The following TASOR2 variants were observed in gnomAD, a reference collection of about 807,000 sequenced individuals.
TASOR2 encodes transcription activation suppressor family member 2.
A neutral mutation model predicts 199.5 loss-of-function variants in TASOR2; 84 were observed. The observed-to-expected ratio is 0.42, with a 90% CI of 0.35 to 0.50. TASOR2 has a LOEUF of 0.50. Ranked by LOEUF, TASOR2 falls within the 20% of genes least tolerant of loss-of-function variation. TASOR2 has a pLI of 0.02. For synonymous variants in TASOR2, 1,103 were observed against 1,046.6 expected, an observed-to-expected ratio of 1.05 and a Z score of -1.04; for missense variants, 2,796 against 2,835.9, an observed-to-expected ratio of 0.99 and a Z score of 0.32.
At position 5,685,233 on chromosome 10, in the gene TASOR2, C is replaced by G. The variant is rs1445714865; in HGVS notation, c.-288+58C>G. The G allele has an allele frequency of 5.0e-6, 2 of 397,300 alleles. No individual in the cohort carries two copies. Among genetic ancestry groups the G allele is most frequent in the African/African-American group, 4.1e-5 (2 of 48,556 alleles). 24.6% of individuals were successfully genotyped at this position (397,300 alleles called of 1,614,324 possible). ...CCCTGCGAGGAGGACGGCGGGTCCCCGAGGCCGAGCGCTCGGGCAGCTGCC... is the reference window on the plus strand; with the variant it reads ...CCCTGCGAGGAGGACGGCGGGTCCCGGAGGCCGAGCGCTCGGGCAGCTGCC... On this transcript the variant is annotated intron_variant, in intron 1 of 20. Coordinates refer to ENST00000328090, the Ensembl canonical transcript of TASOR2. The surrounding 1 kb of genome is among the most constrained non-coding windows in gnomAD (Gnocchi z 5.4).
At chr10:5,686,332 T>C (rs1835814393) in intron 1 of TASOR2, among the ~76,000 whole-genome samples, 1 of 152,210 alleles carries the variant, frequency 6.6e-6, no homozygotes, top group African/African-American at 2.4e-5. Flanking sequence ...ATCGGTGAAG[T>C]GCCTAAGAAC....
At chr10:5,760,434 G>A (rs1839638189) in intron 18 of TASOR2, among the ~76,000 whole-genome samples, 1 of 152,064 alleles carries the variant, frequency 6.6e-6, no homozygotes, top group Non-Finnish European at 1.5e-5. Context: ...CATATCCTTT[G>A]ACCTTTTGTG....
At chr10:5,761,601 C>T in intron 19 of TASOR2, 130 bp downstream of exon 20, 3 of 740,734 alleles carry the variant, frequency 4.1e-6, no homozygotes, top group Middle Eastern at 4.9e-4. Context: ...CAGAATCACC[C>T]AAATCTGCTG....
In TASOR2 at chr10:5,719,944, GTTTTTC is replaced by G. The variant is rs924064834; in HGVS notation, c.-99-595_-99-590del. Among the ~76,000 whole-genome samples, 69 of 152,238 alleles carry G rather than the reference GTTTTTC, an allele frequency of 4.5e-4. No individual in the cohort carries two copies. Among genetic ancestry groups the G allele is most frequent in the African/African-American group, 1.7e-3 (69 of 41,534 alleles). ...GTAACATAAAAGATGGTGGGCTATA[GTTTTTC>G]TTTTAAGGAAATGGCTCTCTTAAAT... On this transcript the variant is annotated intron_variant, in intron 3 of 20. Coordinates refer to ENST00000328090, the Ensembl canonical transcript of TASOR2. The surrounding 1 kb of genome is among the most constrained non-coding windows in gnomAD (Gnocchi z 4.1).
At chr10:5,724,438 C>A in exon 8 of TASOR2, 1 of 1,525,608 alleles carries the variant, frequency 6.6e-7, no homozygotes, top group South Asian at 1.3e-5. Context: ...AGTCTGTTTT[C>A]AAGATTTGTG....
chr10:5,717,392 A>G (rs894859155), intron 2 of TASOR2, among the ~76,000 whole-genome samples: 13 of 152,152 alleles, frequency 8.5e-5, no homozygotes, highest in African/African-American at 3.1e-4. Context: ...CTGGAACCCA[A>G]GCTTCTGACC....
At chr10:5,700,909 A>T (rs1837750568) in intron 1 of TASOR2, among the ~76,000 whole-genome samples, 2 of 149,890 alleles carry the variant, frequency 1.3e-5, no homozygotes, top group Admixed American at 6.6e-5. Flanking sequence ...GTAGTTTGCA[A>T]ATATTTTCTC....
intron 1 of TASOR2, among the ~76,000 whole-genome samples, chr10:5,695,964 C>T (rs1837094839): frequency 6.6e-6 from 1 of 152,134 alleles, no homozygotes; most frequent in Non-Finnish European, 1.5e-5. Context: ...TACCCTGGAA[C>T]CCCTTCTCCA....
intron 12 of TASOR2, among the ~76,000 whole-genome samples, chr10:5,736,279 G>A (rs930692665): frequency 1.3e-5 from 2 of 152,074 alleles, no homozygotes; most frequent in Non-Finnish European, 2.9e-5. Flanking sequence ...TTAGCCAGGC[G>A]TGGTGGCACA....
At chr10:5,725,339 C>G (rs1452166515) in intron 8 of TASOR2, among the ~76,000 whole-genome samples, 1 of 130,756 alleles carries the variant, frequency 7.6e-6, no homozygotes, top group East Asian at 2.3e-4. Flanking sequence ...TGCAGTGAGC[C>G]TAGATCGCGC....
intron 1 of TASOR2, among the ~76,000 whole-genome samples, chr10:5,688,692 A>G (rs1211746975): frequency 2.0e-5 from 3 of 152,138 alleles, no homozygotes; most frequent in Admixed American, 6.5e-5. Flanking sequence ...GCTCTTTCAC[A>G]TGACACATTT....
chr10:5,704,727 A>G (rs1300218188), intron 1 of TASOR2, among the ~76,000 whole-genome samples: 1 of 152,114 alleles, frequency 6.6e-6, no homozygotes, highest in South Asian at 2.1e-4. Flanking sequence ...TTTGTAGTGT[A>G]TACATTTGAA....
intron 1 of TASOR2, among the ~76,000 whole-genome samples, chr10:5,692,133 C>T (rs1220505397): frequency 8.3e-6 from 1 of 121,028 alleles, no homozygotes; most frequent in East Asian, 2.2e-4. Context: ...CCAGATTGTG[C>T]CACTGCACTC....
At chr10:5,743,191 C>G (rs1235638909) in intron 14 of TASOR2, among the ~76,000 whole-genome samples, 8 of 152,166 alleles carry the variant, frequency 5.3e-5, no homozygotes, top group Admixed American at 5.2e-4. Flanking sequence ...CAAATTTATT[C>G]TAGAATAATA....
intron 17 of TASOR2, 91 bp from the exon 19 acceptor site, chr10:5,758,793 TTTC>T (rs2131659196): frequency 2.2e-6 from 2 of 904,084 alleles, no homozygotes; most frequent in Non-Finnish European, 3.5e-6. Flanking sequence ...AGTCTGTTTT[TTTC>T]TTGTTTTACA....
At chr10:5,746,465 G>T (rs1360909577) in exon 15 of TASOR2, 1 of 1,613,884 alleles carries the variant, frequency 6.2e-7, no homozygotes, top group African/African-American at 1.3e-5. Context: ...ACAAAAACAG[G>T]TACTTTACAG....
In TASOR2 at chr10:5,746,362, T is replaced by C. The variant is rs543496265; in HGVS notation, c.2941T>C (p.Tyr981His). Residue 981 changes from tyrosine (Y) to histidine (H), a missense_variant, in exon 15 of 21, where the codon TAC (tyrosine) becomes CAC (histidine). Around this residue, in one of 3 missense-constraint regions of TASOR2, gnomAD observed 1,941 missense variants for 1,924.9 expected, o/e 1.01. Coordinates refer to ENST00000328090, the Ensembl canonical transcript of TASOR2. ...TACTCAAGCCACATTCACCAGGACT[T>C]ACGATGGGCCTGGCAGTCAGCCAGT... is the stretch of plus-strand genomic sequence containing the variant. The C allele has an allele frequency of 7.1e-5, 115 of 1,614,134 alleles. No homozygotes were observed. In the East Asian group the frequency reaches 2.6e-3, roughly 36 times the overall value.
intron 6 of TASOR2, among the ~76,000 whole-genome samples, chr10:5,723,043 C>CTTTTTTTTT (rs1183983010): frequency 2.7e-5 from 2 of 72,896 alleles, no homozygotes; most frequent in African/African-American, 5.5e-5. Flanking sequence ...CAGGAAATAA[C>CTTTTTTTTT]TTTTTTTTTT....
intron 12 of TASOR2, 116 bp from the exon 14 acceptor site, chr10:5,739,502 A>G: frequency 1.0e-6 from 1 of 961,084 alleles, no homozygotes; most frequent in Non-Finnish European, 1.5e-6. Flanking sequence ...TTAATATGCA[A>G]TATATGTTAC....
Sources: gnomAD v4.1 joint callset for allele counts (sites outside exome capture counted in the v4.1 genomes callset) on GRCh38, gnomAD v4.1.1 for gene constraint, gnomAD v4.1.1 regional missense constraint, Gnocchi (gnomAD v3.1) non-coding constraint, MANE v1.5 for transcripts, NCBI Gene and HGNC (gene_info 2026-07-23, HGNC 2026-07-21) for gene names.